The following SMYD3 variants were observed in gnomAD, a reference collection of about 807,000 sequenced individuals.
The protein encoded by SMYD3 is histone-lysine N-methyltransferase SMYD3.
A neutral mutation model predicts 57.7 loss-of-function variants in SMYD3; 36 were observed. That is an observed-to-expected ratio of 0.62 (90% CI 0.48 to 0.82). The LOEUF is 0.82. Ranked by LOEUF, SMYD3 falls within the 40% of genes least tolerant of loss-of-function variation. SMYD3 has a pLI of 0.00. For missense variants in SMYD3, 515 were observed against 538.8 expected, an observed-to-expected ratio of 0.96 and a Z score of 0.44; for synonymous variants, 211 against 195.0, an observed-to-expected ratio of 1.08 and a Z score of -0.68.
intron 10 of SMYD3, among the ~76,000 whole-genome samples, chr1:245,825,937 C>T (rs555707317): frequency 8.5e-4 from 126 of 147,462 alleles, no homozygotes; most frequent in Non-Finnish European, 1.6e-3. Flanking sequence ...TTCTCCTAAA[C>T]GACCTTCCTA....
At chr1:245,921,160 G>A (rs1261626588) in intron 7 of SMYD3, among the ~76,000 whole-genome samples, 2 of 152,156 alleles carry the variant, frequency 1.3e-5, no homozygotes, top group Non-Finnish European at 2.9e-5. Context: ...CATACCAGCA[G>A]CCAACAAACA....
intron 5 of SMYD3, among the ~76,000 whole-genome samples, chr1:246,038,950 G>GAAAA (rs766902697): frequency 1.3e-5 from 2 of 151,952 alleles, no homozygotes; most frequent in African/African-American, 4.8e-5. Context: ...AGACTTTCAG[G>GAAAA]AAAAAAACAC....
chr1:246,063,082 G>A (rs4417031), intron 5 of SMYD3, among the ~76,000 whole-genome samples: 4,507 of 152,234 alleles, frequency 0.03, 96 homozygotes, highest in South Asian at 0.042. Flanking sequence ...TTATCTACTA[G>A]GCAGACTCTC....
chr1:246,129,891 A>C (rs2148062842), intron 5 of SMYD3, among the ~76,000 whole-genome samples: 1 of 152,338 alleles, frequency 6.6e-6, no homozygotes, highest in East Asian at 1.9e-4. Context: ...ATCCCACAGC[A>C]AAAAATACTT....
At chr1:246,367,514 C>T (rs530653622) in intron 1 of SMYD3, among the ~76,000 whole-genome samples, 1 of 152,276 alleles carries the variant, frequency 6.6e-6, no homozygotes, top group South Asian at 2.1e-4. Context: ...AAAACCGCAA[C>T]CTCTGCCTCC....
intron 10 of SMYD3, among the ~76,000 whole-genome samples, chr1:245,855,647 T>TTC (rs1572520589): frequency 6.6e-6 from 1 of 152,256 alleles, no homozygotes; most frequent in African/African-American, 2.4e-5. Context: ...TTTTGTTGTA[T>TTC]GTGATTTCTA....
At chr1:246,235,349 T>C (rs761991498) in intron 5 of SMYD3, among the ~76,000 whole-genome samples, 1 of 152,248 alleles carries the variant, frequency 6.6e-6, no homozygotes, top group Non-Finnish European at 1.5e-5. Context: ...CATCAGCTTC[T>C]AGCCAGATAA....
rs566921152 is a variant in SMYD3, at chr1:245,917,481, C to T, written c.703-1841G>A. ...TTCCCTCTCATTTCCCAGTTTCCCT[C>T]ATTGCTGCTGCTCCACCAGGCTGGC... On this transcript the variant is annotated intron_variant, in intron 7 of 11. Transcript: ENST00000490107. Among the ~76,000 whole-genome samples the T allele has an allele frequency of 3.2e-4, 49 of 152,304 alleles. No individual in the cohort carries two copies. The South Asian group carries it at 4.1e-3, about 13-fold the overall frequency.
At chr1:245,839,158 C>T (rs967921080) in intron 10 of SMYD3, among the ~76,000 whole-genome samples, 8 of 152,144 alleles carry the variant, frequency 5.3e-5, no homozygotes, top group African/African-American at 1.9e-4. Context: ...ACCAGGCCAG[C>T]CTTTTTATTT....
intron 10 of SMYD3, among the ~76,000 whole-genome samples, chr1:245,801,778 A>G (rs1014797859): frequency 6.6e-6 from 1 of 152,094 alleles, no homozygotes; most frequent in African/African-American, 2.4e-5. Context: ...GCTAAAGCTA[A>G]TAATTGTATC....
At chr1:246,446,484 TA>T (rs1310615055) in intron 1 of SMYD3, among the ~76,000 whole-genome samples, 1 of 152,308 alleles carries the variant, frequency 6.6e-6, no homozygotes, top group Admixed American at 6.5e-5. Context: ...GAAAACCTAC[TA>T]ATCTCTAATA....
intron 5 of SMYD3, among the ~76,000 whole-genome samples, chr1:246,170,332 T>G (rs1409770546): frequency 1.3e-5 from 2 of 151,896 alleles, no homozygotes. Context: ...GTTTCCATAT[T>G]ACTAAATATG....
chr1:246,387,180 G>C (rs528983204), intron 1 of SMYD3, among the ~76,000 whole-genome samples: 2 of 152,278 alleles, frequency 1.3e-5, no homozygotes, highest in Non-Finnish European at 2.9e-5. Context: ...ACCACCGCAT[G>C]AGGCAACGTA....
intron 5 of SMYD3, among the ~76,000 whole-genome samples, chr1:246,224,038 T>C (rs1572236981): frequency 6.6e-6 from 1 of 152,142 alleles, no homozygotes; most frequent in Non-Finnish European, 1.5e-5. Flanking sequence ...TCTGAGAATC[T>C]TTCATTCTAC....
At chr1:246,068,886 C>T (rs563306416) in intron 5 of SMYD3, among the ~76,000 whole-genome samples, 93 of 152,234 alleles carry the variant, frequency 6.1e-4, no homozygotes, top group Middle Eastern at 6.8e-3. Flanking sequence ...CCTTACCTTA[C>T]CCCTTATGTC....
intron 5 of SMYD3, among the ~76,000 whole-genome samples, chr1:246,086,023 G>C (rs555350311): frequency 2.0e-5 from 3 of 151,416 alleles, no homozygotes; most frequent in African/African-American, 7.3e-5. Context: ...CAATGTACAA[G>C]AATCTAGCAT....
At chr1:246,225,530 T>C (rs888836204) in intron 5 of SMYD3, among the ~76,000 whole-genome samples, 2 of 152,052 alleles carry the variant, frequency 1.3e-5, no homozygotes, top group African/African-American at 2.4e-5. Context: ...TTTCAGAAGT[T>C]GTGCACAAGT....
At chr1:246,039,232 T>C (rs1177147490) in intron 5 of SMYD3, among the ~76,000 whole-genome samples, 1 of 152,234 alleles carries the variant, frequency 6.6e-6, no homozygotes, top group African/African-American at 2.4e-5. Context: ...CTGGCAATTG[T>C]AGTCGGTTGC....
chr1:245,787,819 C>T (rs751790522), intron 10 of SMYD3, among the ~76,000 whole-genome samples: 2 of 152,158 alleles, frequency 1.3e-5, no homozygotes, highest in Non-Finnish European at 2.9e-5. Context: ...TGGGCACAAG[C>T]GACTCCCAGA....
Sources: allele counts gnomAD v4.1 joint callset (sites outside exome capture counted in the v4.1 genomes callset), GRCh38; gene constraint gnomAD v4.1.1; transcripts MANE v1.5; gene names NCBI Gene and HGNC (gene_info 2026-07-23, HGNC 2026-07-21).